Variants in RAB9B observed in about 807,000 individuals in gnomAD.
RAB9B encodes ras-related protein Rab-9B.
In RAB9B, 1 loss-of-function variant was observed where a neutral mutation model predicts 8.9. That is an observed-to-expected ratio of 0.11 (90% CI 0.04 to 0.53). The LOEUF (loss-of-function observed/expected upper bound fraction) is 0.53. Among genes scored for constraint, RAB9B ranks in the 20% least tolerant of loss-of-function variants. The probability of loss-of-function intolerance (pLI) is 0.93; values close to 1 mark genes in which losing one functional copy is unlikely to be tolerated. For missense variants in RAB9B, 82 were observed against 152.9 expected (o/e 0.54, Z 2.45); for synonymous variants, 63 against 57.0 (o/e 1.10, Z -0.47).
At chrX:103,803,689 C>T in the RAB9B span, among the ~76,000 whole-genome samples, 32 of 112,583 alleles carry the variant, frequency 2.8e-4, no homozygotes, top group African/African-American at 1.0e-3. Context: ...GGTAATTCTC[C>T]TGCCTCAGCT....
chrX:103,787,079 T>C, the RAB9B span: 3 of 245,986 alleles, frequency 1.2e-5, no homozygotes, highest in Non-Finnish European at 2.2e-5. Flanking sequence ...AAAATGCTGC[T>C]CATGTGATTG....
the RAB9B span, among the ~76,000 whole-genome samples, chrX:103,816,283 T>G: frequency 2.7e-5 from 3 of 111,346 alleles, no homozygotes; most frequent in South Asian, 3.8e-4. Flanking sequence ...ACCACACATC[T>G]ACCACCATCT....
chrX:103,820,533 G>A (rs902898242), downstream of RAB9B, among the ~76,000 whole-genome samples: 3 of 111,737 alleles, frequency 2.7e-5, no homozygotes, highest in Admixed American at 1.9e-4. Context: ...AAGGACTATC[G>A]CCAAACCATT....
intron 1 of RAB9B, among the ~76,000 whole-genome samples, chrX:103,830,255 C>T (rs2074698155): frequency 9.0e-6 from 1 of 111,140 alleles, no homozygotes; most frequent in African/African-American, 3.3e-5. Flanking sequence ...AATGTCATGT[C>T]CTTTAGTACA....
At chrX:103,783,456 T>G in the RAB9B span, among the ~76,000 whole-genome samples, 8 of 112,435 alleles carry the variant, frequency 7.1e-5, no homozygotes, top group Non-Finnish European at 1.3e-4. Flanking sequence ...GGCTTGGGCT[T>G]CTGAGGCTCA....
chrX:103,789,034 G>A, the RAB9B span: 1 of 370,047 alleles, frequency 2.7e-6, no homozygotes, highest in Non-Finnish European at 4.7e-6. Flanking sequence ...TTCTTTGACA[G>A]CAAAATGTTG....
chrX:103,811,801 C>T, the RAB9B span, among the ~76,000 whole-genome samples: 2 of 110,721 alleles, frequency 1.8e-5, no homozygotes, highest in Non-Finnish European at 3.8e-5. Flanking sequence ...ATACCATAGA[C>T]GGGATGGCTT....
chrX:103,825,347 C>T lies in RAB9B; in HGVS notation c.438G>A (p.Gly146=). Residue 146 remains glycine (G), a synonymous_variant, in exon 3 of 3, where the codon GGG becomes GGA. Coordinates refer to ENST00000243298, the MANE Select transcript of RAB9B (RefSeq NM_016370.4). ...CACTAGTTTCTAAATAAGGGTAATC[C>T]CCATTCTCCATGCACCAGGTTTGTG... The part of the protein sequence containing the change: ...EEAQTWCMEN[G]DYPYLETSAK... The T allele has an allele frequency of 8.3e-7, 1 of 1,211,441 alleles. No homozygotes were observed.
chrX:103,792,654 T>G, the RAB9B span: 1 of 112,799 alleles, frequency 8.9e-6, no homozygotes, highest in Non-Finnish European at 1.9e-5. Flanking sequence ...TCTATTTGAC[T>G]TCACAATAGA....
At chrX:103,776,958 A>C in the RAB9B span, 4 of 1,196,191 alleles carry the variant, frequency 3.3e-6, no homozygotes, top group South Asian at 7.1e-5. Context: ...AAAGCAGACT[A>C]GCCAGCCGGC....
chrX:103,806,248 C>T, the RAB9B span, among the ~76,000 whole-genome samples: 20 of 111,380 alleles, frequency 1.8e-4, no homozygotes, highest in African/African-American at 6.5e-4. Context: ...GTATAAATTT[C>T]CTCTAAGCAC....
chrX:103,790,211 T>C, the RAB9B span, among the ~76,000 whole-genome samples: 2 of 112,385 alleles, frequency 1.8e-5, no homozygotes, highest in African/African-American at 6.5e-5. Flanking sequence ...GACATATTGA[T>C]GTGGCAAAGC....
chrX:103,820,671 C>T (rs779413230), downstream of RAB9B, among the ~76,000 whole-genome samples: 2 of 110,533 alleles, frequency 1.8e-5, no homozygotes, highest in East Asian at 5.7e-4. Flanking sequence ...AGTTATGGGC[C>T]CCGGTGCATT....
rs1411040127 is a variant in RAB9B, at chrX:103,822,980, ATCCG to A, written c.*2195_*2198del. On this transcript the variant is annotated 3_prime_UTR_variant, in exon 3 of 3. Coordinates refer to ENST00000243298, the MANE Select transcript of RAB9B (RefSeq NM_016370.4). Reference sequence around the variant, plus strand: ...TCTTAGATGGACAGGATGCCTATGAATCCGATACCCATGTAATTTTTTTTTTTTT... The same window carrying A: ...TCTTAGATGGACAGGATGCCTATGAAATACCCATGTAATTTTTTTTTTTTT... The A allele has an allele frequency of 9.0e-6, 1 of 111,123 alleles. No homozygotes were observed. The highest frequency in any genetic ancestry group is 1.9e-5 in the Non-Finnish European group (1 of 53,041). The allele number at this position is 111,123 out of a possible 1,213,427, so 9.2% of individuals were successfully genotyped here.
At chrX:103,828,172 C>T (rs1404048356) in intron 1 of RAB9B, among the ~76,000 whole-genome samples, 2 of 111,437 alleles carry the variant, frequency 1.8e-5, no homozygotes, top group African/African-American at 6.5e-5. Context: ...AAATCTGCTG[C>T]TTAATAATCA....
chrX:103,821,073 G>A (rs2074658406), downstream of RAB9B, among the ~76,000 whole-genome samples: 1 of 103,288 alleles, frequency 9.7e-6, no homozygotes, highest in Admixed American at 1.0e-4. Context: ...AGGCTGAGGT[G>A]GAAGGACTGC....
At chrX:103,821,722 A>C (rs1183767044), downstream of RAB9B, among the ~76,000 whole-genome samples, 1 of 111,726 alleles carries the variant, frequency 9.0e-6, no homozygotes, top group African/African-American at 3.3e-5. Context: ...CTCTGTTTAT[A>C]TTTTTTGATG....
chrX:103,818,561 A>G (rs1273255148), downstream of RAB9B, among the ~76,000 whole-genome samples: 1 of 112,112 alleles, frequency 8.9e-6, no homozygotes, highest in Non-Finnish European at 1.9e-5. Flanking sequence ...ATGTCTAGCA[A>G]TAAGTGTTTT....
chrX:103,777,170 C>G, the RAB9B span, among the ~76,000 whole-genome samples: 3 of 112,167 alleles, frequency 2.7e-5, no homozygotes, highest in African/African-American at 9.7e-5. Context: ...CTCCGCTGTA[C>G]TAAGCATGAT....
Sources: gnomAD v4.1 joint callset for allele counts (sites outside exome capture counted in the v4.1 genomes callset) on GRCh38, gnomAD v4.1.1 for gene constraint, MANE v1.5 for transcripts, NCBI Gene and HGNC (gene_info 2026-07-23, HGNC 2026-07-21) for gene names.